CCBE1: variants seen among roughly 807,000 people sequenced by gnomAD.
The protein encoded by CCBE1 is collagen and calcium binding EGF domains 1, also known as collagen and calcium-binding EGF domain-containing protein 1.
In CCBE1, 37 loss-of-function variants were observed where a neutral mutation model predicts 50.0. The observed-to-expected ratio is 0.74, with a 90% CI of 0.57 to 0.97. The LOEUF is 0.97. Ranked by LOEUF, CCBE1 falls within the 50% of genes least tolerant of loss-of-function variation. The pLI, the probability that CCBE1 is intolerant of heterozygous loss-of-function variation, is 0.00. For synonymous variants in CCBE1, 234 were observed against 203.7 expected (o/e 1.15, Z -1.27); for missense variants, 538 against 523.8 (o/e 1.03, Z -0.26).
chr18:59,581,413 C>A (rs1200396172), intron 2 of CCBE1, among the ~76,000 whole-genome samples: 1 of 149,690 alleles, frequency 6.7e-6, no homozygotes, highest in Non-Finnish European at 1.5e-5. Context: ...TGCACTCCAG[C>A]CTGGTGACAG....
chr18:59,637,319 A>T (rs1425179658), intron 2 of CCBE1, among the ~76,000 whole-genome samples: 1 of 152,198 alleles, frequency 6.6e-6, no homozygotes, highest in Admixed American at 6.5e-5. Context: ...TTCTTGATCC[A>T]ATGAAATTAA....
chr18:59,619,982 G>A (rs1266016413), intron 2 of CCBE1, among the ~76,000 whole-genome samples: 1 of 152,130 alleles, frequency 6.6e-6, no homozygotes, highest in Non-Finnish European at 1.5e-5. Context: ...AAGAGAGGGC[G>A]GTATTCCCAG....
At chr18:59,573,655 GA>G (rs539599552) in intron 2 of CCBE1, among the ~76,000 whole-genome samples, 11,000 of 144,962 alleles carry the variant, frequency 0.076, 1,172 homozygotes, top group African/African-American at 0.24. Context: ...AAAGTGCAGA[GA>G]AAAAAAAAAA....
rs555160847 is a variant in CCBE1 at position 59,550,998 on chromosome 18, C to CAAAAAAAAAAA, written c.213-70771_213-70761dup. On this transcript the variant is annotated intron_variant, in intron 2 of 10. Coordinates refer to ENST00000439986, the MANE Select transcript of CCBE1 (RefSeq NM_133459.4). Reference sequence around the variant, plus strand: ...CCAGCCTGGGCAACACAGCGAGACTCAAAAAAAAAAAAAAAAAAAAAAAAA... The same window carrying CAAAAAAAAAAA: ...CCAGCCTGGGCAACACAGCGAGACTCAAAAAAAAAAAAAAAAAAAAAAAAAAAAAAAAAAAA... 4.2e-3 allele frequency among the ~76,000 whole-genome samples: 302 copies of CAAAAAAAAAAA among 71,360 alleles called. 2 individuals are homozygous for CAAAAAAAAAAA. The highest frequency in any genetic ancestry group is 5.9e-3 in the Non-Finnish European group (229 of 39,040). 46.8% of individuals were successfully genotyped at this position (71,360 alleles called of 152,430 possible).
intron 2 of CCBE1, among the ~76,000 whole-genome samples, chr18:59,654,697 C>G (rs912142035): frequency 1.3e-5 from 2 of 148,272 alleles, no homozygotes; most frequent in Non-Finnish European, 3.0e-5. Context: ...GAGGCTGAGG[C>G]AGAAGAATTG....
chr18:59,579,397 T>C (rs1198136239), intron 2 of CCBE1, among the ~76,000 whole-genome samples: 1 of 145,008 alleles, frequency 6.9e-6, no homozygotes, highest in Admixed American at 6.6e-5. Context: ...CATGGGGATC[T>C]TTAAAAAAAA....
chr18:59,570,424 A>G (rs2052893116), intron 2 of CCBE1, among the ~76,000 whole-genome samples: 1 of 152,216 alleles, frequency 6.6e-6, no homozygotes, highest in African/African-American at 2.4e-5. Context: ...ATAGTCAGCC[A>G]CCAGTTTTTG....
At chr18:59,590,285 A>G (rs753808251) in intron 2 of CCBE1, among the ~76,000 whole-genome samples, 31 of 152,228 alleles carry the variant, frequency 2.0e-4, no homozygotes, top group Admixed American at 5.9e-4. Flanking sequence ...GTAAAGAAGC[A>G]TATAAAATAT....
intron 5 of CCBE1, among the ~76,000 whole-genome samples, chr18:59,458,426 CACTTTT>C (rs1347597977): frequency 3.3e-5 from 5 of 152,328 alleles, no homozygotes; most frequent in African/African-American, 7.2e-5. Context: ...TGTTTCTGTC[CACTTTT>C]ACTTTTACAT....
At chr18:59,639,108 T>TA (rs1211252694) in intron 2 of CCBE1, among the ~76,000 whole-genome samples, 1 of 152,076 alleles carries the variant, frequency 6.6e-6, no homozygotes, top group Non-Finnish European at 1.5e-5. Flanking sequence ...ACTTTGTCTC[T>TA]AAAAAAATTG....
chr18:59,533,572 CATAT>C (rs1489155524), intron 2 of CCBE1, among the ~76,000 whole-genome samples: 4 of 152,012 alleles, frequency 2.6e-5, no homozygotes, highest in Non-Finnish European at 5.9e-5. Flanking sequence ...TAACTTTATT[CATAT>C]ATAAAGCATT....
intron 10 of CCBE1, among the ~76,000 whole-genome samples, chr18:59,437,112 A>C (rs1368441804): frequency 6.6e-6 from 1 of 152,234 alleles, no homozygotes; most frequent in African/African-American, 2.4e-5. Context: ...GGTCCAAACA[A>C]AATCTTCCTA....
intron 2 of CCBE1, among the ~76,000 whole-genome samples, chr18:59,547,220 T>A (rs1915739879): frequency 6.6e-6 from 1 of 151,726 alleles, no homozygotes; most frequent in African/African-American, 2.4e-5. Flanking sequence ...TTTGGGAGGC[T>A]AAGGCGGGCA....
chr18:59,553,282 C>G (rs1915994006), intron 2 of CCBE1, among the ~76,000 whole-genome samples: 1 of 152,194 alleles, frequency 6.6e-6, no homozygotes, highest in Non-Finnish European at 1.5e-5. Context: ...TGATGCAACA[C>G]AGTCTCATTC....
chr18:59,478,520 C>G (rs1173681762), intron 3 of CCBE1, among the ~76,000 whole-genome samples: 2 of 152,182 alleles, frequency 1.3e-5, no homozygotes, highest in Non-Finnish European at 2.9e-5. Context: ...AAACAACTTT[C>G]AGCATGTGTG....
chr18:59,460,672 C>T (rs1911418431), intron 5 of CCBE1, among the ~76,000 whole-genome samples: 2 of 152,170 alleles, frequency 1.3e-5, no homozygotes, highest in South Asian at 4.1e-4. Context: ...TGGCTCACGC[C>T]TGTAATCCCA....
chr18:59,655,531 C>T (rs2054178044), intron 2 of CCBE1, among the ~76,000 whole-genome samples: 1 of 152,198 alleles, frequency 6.6e-6, no homozygotes, highest in Non-Finnish European at 1.5e-5. Flanking sequence ...ATCCTTTGGG[C>T]TTTTTACAGG....
At chr18:59,542,240 C>T (rs1238490165) in intron 2 of CCBE1, among the ~76,000 whole-genome samples, 2 of 115,404 alleles carry the variant, frequency 1.7e-5, no homozygotes, top group African/African-American at 6.8e-5. Flanking sequence ...CTCAGTGCTG[C>T]CTGGGTGCCC....
chr18:59,586,676 T>C (rs2144523729), intron 2 of CCBE1, among the ~76,000 whole-genome samples: 1 of 152,314 alleles, frequency 6.6e-6, no homozygotes, highest in South Asian at 2.1e-4. Context: ...ATGGACCTCC[T>C]CTGCATGACA....
Sources: gnomAD v4.1 joint callset for allele counts (sites outside exome capture counted in the v4.1 genomes callset) on GRCh38, gnomAD v4.1.1 for gene constraint, MANE v1.5 for transcripts, NCBI Gene and HGNC (gene_info 2026-07-23, HGNC 2026-07-21) for gene names.